Variants in TSPAN5 observed in about 807,000 individuals in gnomAD.
TSPAN5 encodes tetraspanin 5.
TSPAN5 carries 10 observed loss-of-function variants against 37.1 expected under a neutral mutation model. That is an observed-to-expected ratio of 0.27 (90% confidence interval 0.17 to 0.46). The LOEUF is 0.46. Among genes scored for constraint, TSPAN5 ranks in the 20% least tolerant of loss-of-function variants. The pLI, the probability that TSPAN5 is intolerant of heterozygous loss-of-function variation, is 1.00. For synonymous variants in TSPAN5, 110 were observed against 118.9 expected (o/e 0.93, Z 0.48); for missense variants, 195 against 326.6 (o/e 0.60, Z 3.11).
intron 1 of TSPAN5, among the ~76,000 whole-genome samples, chr4:98,599,848 G>GT (rs1253627678): frequency 2.6e-5 from 4 of 152,180 alleles, no homozygotes; most frequent in African/African-American, 9.7e-5. Flanking sequence ...TTCTTGGGTT[G>GT]TTTCCAGTTT....
In TSPAN5 at chr4:98,601,027, T is replaced by C. The variant is rs531656750; in HGVS notation, c.81+57119A>G. 1.2e-4 allele frequency among the ~76,000 whole-genome samples: 18 copies of C among 152,358 alleles called. No individual in the cohort carries two copies. In the South Asian group the frequency reaches 3.7e-3, roughly 32 times the overall value. On this transcript the variant is annotated intron_variant, in intron 1 of 7. Transcript: ENST00000305798. ...AGAGCTCTTGGGTAACCAGGTACAT[T>C]ATCACACTGGAACAGTAATATTTTG...
At chr4:98,579,982 G>C (rs1290362850) in intron 1 of TSPAN5, among the ~76,000 whole-genome samples, 3 of 152,058 alleles carry the variant, frequency 2.0e-5, no homozygotes, top group African/African-American at 7.2e-5. Context: ...TCATATATAT[G>C]ACTATAATAG....
intron 1 of TSPAN5, among the ~76,000 whole-genome samples, chr4:98,623,227 G>A (rs528935340): frequency 2.2e-4 from 33 of 152,232 alleles, no homozygotes; most frequent in Non-Finnish European, 4.3e-4. Flanking sequence ...ATTTAAAATA[G>A]ACCTCCCCCA....
At chr4:98,638,293 C>T (rs565140333) in intron 1 of TSPAN5, among the ~76,000 whole-genome samples, 1 of 152,302 alleles carries the variant, frequency 6.6e-6, no homozygotes, top group South Asian at 2.1e-4. Flanking sequence ...CTTGGTCTCC[C>T]TTGGCACTCA....
intron 1 of TSPAN5, among the ~76,000 whole-genome samples, chr4:98,529,975 A>G (rs996638438): frequency 1.4e-4 from 22 of 152,264 alleles, no homozygotes; most frequent in African/African-American, 5.1e-4. Context: ...CACAAAACCC[A>G]GCTTTGGTCA....
chr4:98,605,216 G>T, intron 1 of TSPAN5, among the ~76,000 whole-genome samples: 1 of 152,148 alleles, frequency 6.6e-6, no homozygotes, highest in East Asian at 1.9e-4. Context: ...AAAACCGCAA[G>T]GTTTGAAAGA....
At chr4:98,479,958 C>A (rs1752800059) in intron 4 of TSPAN5, among the ~76,000 whole-genome samples, 1 of 152,110 alleles carries the variant, frequency 6.6e-6, no homozygotes, top group African/African-American at 2.4e-5. Flanking sequence ...GACCTAAATC[C>A]CTCACTAACC....
At chr4:98,485,068 A>C (rs1370500895) in intron 3 of TSPAN5, 1 of 154,280 alleles carries the variant, frequency 6.5e-6, no homozygotes, top group Non-Finnish European at 1.4e-5. Flanking sequence ...AGCCGAGATC[A>C]CACCATTGCA....
intron 2 of TSPAN5, among the ~76,000 whole-genome samples, chr4:98,500,878 C>T (rs1753332091): frequency 6.6e-6 from 1 of 152,086 alleles, no homozygotes; most frequent in African/African-American, 2.4e-5. Flanking sequence ...GAGTAGGTAT[C>T]CACTCTGCTT....
At chr4:98,554,080 TTAAA>T (rs371792390) in intron 1 of TSPAN5, among the ~76,000 whole-genome samples, 2 of 134,984 alleles carry the variant, frequency 1.5e-5, no homozygotes, top group African/African-American at 5.9e-5. Context: ...AAAAAATAAA[TTAAA>T]AAAAAAATGT....
chr4:98,522,666 C>T (rs1299665651), intron 1 of TSPAN5, among the ~76,000 whole-genome samples: 2 of 152,162 alleles, frequency 1.3e-5, no homozygotes, highest in Non-Finnish European at 2.9e-5. Context: ...TGAAAGAAGG[C>T]ACAGAGGCAA....
intron 1 of TSPAN5, among the ~76,000 whole-genome samples, chr4:98,589,527 T>G (rs775795391): frequency 6.6e-6 from 1 of 152,176 alleles, no homozygotes; most frequent in Admixed American, 6.5e-5. Flanking sequence ...TTGGAGTGAC[T>G]GATGAGGGCA....
chr4:98,634,407 GT>G (rs1454169741), intron 1 of TSPAN5, among the ~76,000 whole-genome samples: 2 of 152,126 alleles, frequency 1.3e-5, no homozygotes, highest in Non-Finnish European at 2.9e-5. Context: ...TCCTGAGACT[GT>G]TACCTCCCAA....
At chr4:98,486,999 C>G in intron 2 of TSPAN5, 115 bp from the exon 3 acceptor site, 1 of 990,774 alleles carries the variant, frequency 1.0e-6, no homozygotes, top group South Asian at 1.6e-5. Flanking sequence ...CAGAGGGCAT[C>G]TGATTATCAG....
Position 98,658,335 on chromosome 4 carries a change from G to GGCCGCCAGC in TSPAN5, c.-110_-109insGCTGGCGGC. 1 of 902,694 alleles carries GGCCGCCAGC rather than the reference G, an allele frequency of 1.1e-6. No individual in the cohort carries two copies. Among genetic ancestry groups the GGCCGCCAGC allele is most frequent in the Non-Finnish European group, 1.8e-6 (1 of 559,590 alleles). The allele number at this position is 902,694 out of a possible 1,614,324, so 55.9% of individuals were successfully genotyped here. A position where few individuals can be genotyped will look rare whatever the true frequency, so the allele number is the denominator to read the frequency against. ...GCAGGAGCTCAGGGACACCGCACGG[G>GGCCGCCAGC]GCCGCGGCGCTGGCGGCCTGGGCTC... On this transcript the variant is annotated 5_prime_UTR_variant, in exon 1 of 8. Coordinates refer to ENST00000305798, the MANE Select transcript of TSPAN5 (RefSeq NM_005723.4).
At chr4:98,626,721 T>C (rs1037816685) in intron 1 of TSPAN5, among the ~76,000 whole-genome samples, 3 of 152,076 alleles carry the variant, frequency 2.0e-5, no homozygotes, top group Non-Finnish European at 4.4e-5. Flanking sequence ...GTGGGAGGCC[T>C]TCCCTGGCCA....
chr4:98,478,473 G>GC (rs1752755845), intron 5 of TSPAN5, among the ~76,000 whole-genome samples: 1 of 152,178 alleles, frequency 6.6e-6, no homozygotes, highest in South Asian at 2.1e-4. Context: ...ACACATAAAG[G>GC]CTTAGAATAG....
chr4:98,608,677 T>C (rs954086765), intron 1 of TSPAN5, among the ~76,000 whole-genome samples: 4 of 151,902 alleles, frequency 2.6e-5, no homozygotes, highest in African/African-American at 9.7e-5. Flanking sequence ...AAAAAGAAAA[T>C]CCACAACATG....
chr4:98,481,744 T>C (rs928840218), intron 4 of TSPAN5, among the ~76,000 whole-genome samples: 13 of 152,238 alleles, frequency 8.5e-5, no homozygotes, highest in African/African-American at 3.1e-4. Context: ...GCCATGATTA[T>C]AACGTTTTGC....
Sources: allele counts gnomAD v4.1 joint callset (sites outside exome capture counted in the v4.1 genomes callset), GRCh38; gene constraint gnomAD v4.1.1; transcripts MANE v1.5; gene names NCBI Gene and HGNC (gene_info 2026-07-23, HGNC 2026-07-21).